RECQL4: variants seen among roughly 807,000 people sequenced by gnomAD.
RECQL4 encodes ATP-dependent DNA helicase Q4.
A neutral mutation model predicts 128.6 loss-of-function variants in RECQL4; 158 were observed. That is an observed-to-expected ratio of 1.23 (90% CI 1.08 to 1.40). The LOEUF (loss-of-function observed/expected upper bound fraction) is 1.40, where lower values mean the gene tolerates loss of function less well. Among genes scored for constraint, RECQL4 ranks in the 40% most tolerant of loss-of-function variants. The pLI is 0.00. For synonymous variants in RECQL4, 996 were observed against 678.9 expected (o/e 1.47, Z -7.26); for missense variants, 2,293 against 1,649.8 (o/e 1.39, Z -6.75).
chr8:144,515,256 T>C lies in RECQL4; in HGVS notation c.1391-14A>G. 6.2e-7 allele frequency: 1 copy of C among 1,604,172 alleles called. No individual in the cohort carries two copies. Among genetic ancestry groups the C allele is most frequent in the Non-Finnish European group, 8.5e-7 (1 of 1,175,970 alleles). ...CAGCCGGCGTCTCTGCAGACACAGA[T>C]GTTGATCACCATGACTTGAGTCACC... On this transcript the variant is annotated splice_polypyrimidine_tract_variant and intron_variant, in intron 7 of 20. Transcript: ENST00000617875.
At position 144,512,845 on chromosome 8, in the gene RECQL4, A is replaced by C. The variant is rs1586798208; in HGVS notation, c.2755+2T>G. ...CCCTGTGGCTTACCCCAGGTTCCTC[A>C]CCCTCCTCCGGCATGTCCAAAGCCT... On this transcript the variant is annotated splice_donor_variant, in intron 15 of 20. Transcript: ENST00000617875. LOFTEE classifies it high-confidence loss of function. 1 of 1,604,236 alleles carries C rather than the reference A, an allele frequency of 6.2e-7. No homozygotes were observed. The highest frequency in any genetic ancestry group is 8.5e-7 in the Non-Finnish European group (1 of 1,175,822).
rs753018522 is a variant in RECQL4, at chr8:144,516,493, C to G, written c.626G>C (p.Arg209Thr). ...PDFLGAPKAC[R>T]PDLGSEESQL... The stretch of plus-strand genomic sequence containing the variant: ...TGATTCCTCTGAGCCTAGATCAGGC[C>G]TGCAGGCTTTGGGGGCCCCCAGAAA... Residue 209 changes from arginine (R) to threonine (T), a missense_variant, in exon 5 of 21, where the codon AGG (arginine) becomes ACG (threonine). By Grantham distance (71) the Arg-to-Thr change is moderately conservative (BLOSUM62 -1). Coordinates refer to ENST00000617875, the MANE Select transcript of RECQL4 (RefSeq NM_004260.4). The G allele has an allele frequency of 6.2e-7, 1 of 1,609,118 alleles. No individual in the cohort carries two copies. Among genetic ancestry groups the G allele is most frequent in the South Asian group, 1.1e-5 (1 of 90,974 alleles).
rs774307791 is a variant in RECQL4, at chr8:144,512,167, G to A, written c.3213C>T (p.Arg1071=). 5.6e-6 allele frequency: 9 copies of A among 1,610,736 alleles called. No homozygotes were observed. Among genetic ancestry groups the A allele is most frequent in the African/African-American group, 1.3e-5 (1 of 74,914 alleles). The part of the protein sequence containing the change: ...ARERQALARL[R]RTFQAFHSVA... ...ACCTGTGAAAGGCCTGGAAGGTTCT[G>A]CGCAGACGGGCCAGGGCCTGGCGCT... The change falls in exon 18 of 21, where the codon CGC becomes CGT. Residue 1071 remains arginine, a synonymous_variant. Transcript: ENST00000617875.
At chr8:144,516,845 C>A (rs903133134) in intron 4 of RECQL4, 81 bp from the exon 5 acceptor site, 1 of 1,418,096 alleles carries the variant, frequency 7.1e-7, no homozygotes, top group Non-Finnish European at 9.5e-7. Flanking sequence ...TGAGTCCCCA[C>A]GCTCAATTGT....
chr8:144,512,715 G>A lies in RECQL4; in HGVS notation c.2812C>T (p.Leu938=), dbSNP rs2130666915. ...CGGCAATGGGTATAGGTGGTCGCCA[G>A]CAGCTCCAGCCAGTGGTGTGGGTGC... ...ELHPHHWLEL[L]ATTYTHCRLN... The change falls in exon 16 of 21, where the codon CTG becomes TTG. Residue 938 remains leucine (L), a synonymous_variant. Transcript: ENST00000617875. The A allele has an allele frequency of 1.9e-6, 3 of 1,612,204 alleles. No homozygotes were observed. The highest frequency in any genetic ancestry group is 2.5e-6 in the Non-Finnish European group (3 of 1,179,796).
chr8:144,512,889 G>T lies in RECQL4; in HGVS notation c.2713C>A (p.Pro905Thr), dbSNP rs778939539. 17 of 1,594,302 alleles carry T rather than the reference G, an allele frequency of 1.1e-5. No individual in the cohort carries two copies. The highest frequency in any genetic ancestry group is 3.5e-5 in the Admixed American group (2 of 57,324). Residue 905 changes from proline (P) to threonine (T), a missense_variant, in exon 15 of 21, where the codon CCA becomes ACA. Pro to Thr is a conservative substitution (Grantham distance 38, BLOSUM62 -1). Transcript: ENST00000617875. ...RVCMGHERAL[P>T]IQLTVQALDM... ...AAAGCCTGTACGGTAAGCTGTATTGGGAGTGCCCGCTCATGGCCCATGCAG... is the reference window on the plus strand; with the variant it reads ...AAAGCCTGTACGGTAAGCTGTATTGTGAGTGCCCGCTCATGGCCCATGCAG...
chr8:144,516,675 G>T lies in RECQL4; in HGVS notation c.444C>A (p.Val148=). The change falls in exon 5 of 21, where the codon GTC becomes GTA. Residue 148 remains valine (V), a synonymous_variant. Transcript: ENST00000617875. ...STPKPPGTGP[V]PSFAEKVSDE... is the part of the protein sequence containing the mutation. The stretch of plus-strand genomic sequence containing the variant: ...CACTGACTTTTTCTGCAAAGGAGGG[G>T]ACAGGCCCTGTACCTGGGGGCTTTG... 1 of 1,591,116 alleles carries T rather than the reference G, an allele frequency of 6.3e-7. No homozygotes were observed. The highest frequency in any genetic ancestry group is 8.6e-7 in the Non-Finnish European group (1 of 1,168,710).
rs1211753518 is a variant in RECQL4, at chr8:144,517,584, G to A, written c.118+18C>T. 1 of 1,478,376 alleles carries A rather than the reference G, an allele frequency of 6.8e-7. No homozygotes were observed. Among genetic ancestry groups the A allele is most frequent in the Non-Finnish European group, 8.9e-7 (1 of 1,123,254 alleles). The allele number at this position is 1,478,376 out of a possible 1,614,324, so 91.6% of individuals were successfully genotyped here. ...GACCCGGTGTCTTCTCGCCCCCGCC[G>A]CCCCGCCGCGCGCTCACCGCGGGTC... On this transcript the variant is annotated intron_variant, in intron 2 of 20. Transcript: ENST00000617875.
rs775478350 is a variant in RECQL4, at chr8:144,514,508, C to T, written c.1638G>A (p.Pro546=). 30 of 1,611,752 alleles carry T rather than the reference C, an allele frequency of 1.9e-5. No individual in the cohort carries two copies. The highest frequency in any genetic ancestry group is 3.3e-5 in the Admixed American group (2 of 59,922). The change falls in exon 10 of 21, where the codon CCG becomes CCA. Residue 546 remains proline (P), a synonymous_variant. Coordinates refer to ENST00000617875, the MANE Select transcript of RECQL4 (RefSeq NM_004260.4). ...AGTGTATGCAGGCCGCCTTGAGACA[C>T]GGTGGCAGGCCAGACACCTGCAAAT... is the stretch of plus-strand genomic sequence containing the variant. ...LMDDQVSGLP[P]CLKAACIHSG...
rs1554903266 is a variant in RECQL4, at chr8:144,516,498, G to A, written c.621C>T (p.Ala207=). 1 of 1,609,116 alleles carries A rather than the reference G, an allele frequency of 6.2e-7. No homozygotes were observed. Among genetic ancestry groups the A allele is most frequent in the Non-Finnish European group, 8.5e-7 (1 of 1,179,660 alleles). ...EVPDFLGAPK[A]CRPDLGSEES... is the part of the protein sequence containing the mutation. Reference sequence around the variant, plus strand: ...CCTCTGAGCCTAGATCAGGCCTGCAGGCTTTGGGGGCCCCCAGAAAATCTG... The same window carrying A: ...CCTCTGAGCCTAGATCAGGCCTGCAAGCTTTGGGGGCCCCCAGAAAATCTG... Residue 207 remains alanine, a synonymous_variant, in exon 5 of 21, where the codon GCC becomes GCT. Transcript: ENST00000617875.
At position 144,516,648 on chromosome 8, in the gene RECQL4, A is replaced by C; in HGVS notation, c.471T>G (p.Asp157Glu). 6.2e-7 allele frequency: 1 copy of C among 1,605,100 alleles called. No individual in the cohort carries two copies. Among genetic ancestry groups the C allele is most frequent in the Non-Finnish European group, 8.5e-7 (1 of 1,175,722 alleles). Reference protein sequence around the residue: ...PVPSFAEKVSDEPPQLPEPQP... With the variant: ...PVPSFAEKVSEEPPQLPEPQP... ...GGGGCTCAGGGAGCTGTGGAGGCTC[A>C]TCACTGACTTTTTCTGCAAAGGAGG... Residue 157 changes from aspartate (D) to glutamate (E), a missense_variant, in exon 5 of 21, where the codon GAT (aspartate) becomes GAG (glutamate). Transcript: ENST00000617875.
In RECQL4 at chr8:144,511,701, G is replaced by A. The variant is rs1827237447; in HGVS notation, c.3482C>T (p.Ala1161Val). The A allele has an allele frequency of 1.2e-6, 2 of 1,612,506 alleles. No individual in the cohort carries two copies. The highest frequency in any genetic ancestry group is 1.7e-6 in the Non-Finnish European group (2 of 1,179,772). Reference sequence around the variant, plus strand: ...CTCACCGATGCCGTGGAAGATGCGGGCCACAGCCCTGCTGGAGAACTTCTC... The same window carrying A: ...CTCACCGATGCCGTGGAAGATGCGGACCACAGCCCTGCTGGAGAACTTCTC... The part of the protein sequence containing the change: ...PEEKFSSRAV[A>V]RIFHGIGSPC... The change falls in exon 20 of 21, where the codon GCC (alanine) becomes GTC (valine). Residue 1161 changes from alanine (A) to valine (V), a missense_variant. Transcript: ENST00000617875.
rs1325079305 is a variant in RECQL4, at chr8:144,517,479, G to T, written c.148C>A (p.Arg50Ser). Reference protein sequence around the residue: ...ALYREYRTLKRTTGQAGGGLR... With the variant: ...ALYREYRTLKSTTGQAGGGLR... ...CCGCCGCCGGCCTGGCCCGTGGTAC[G>T]CTTCAGAGTGCGGTATTCCCGGTAG... is the stretch of plus-strand genomic sequence containing the variant. Residue 50 changes from arginine (R) to serine (S), a missense_variant, in exon 3 of 21, where the codon CGT becomes AGT. Arg to Ser is a moderately radical substitution (Grantham distance 110, BLOSUM62 -1). Transcript: ENST00000617875. 2 of 1,597,008 alleles carry T rather than the reference G, an allele frequency of 1.3e-6. No homozygotes were observed. The highest frequency in any genetic ancestry group is 8.5e-7 in the Non-Finnish European group (1 of 1,176,344).
At position 144,514,200 on chromosome 8, in the gene RECQL4, G is replaced by A. The variant is rs772515188; in HGVS notation, c.1867C>T (p.Arg623Cys). ...CACATATGGCTCACCTTGCAGACGC[G>A]CAGGTAGCAGGGCCGGAAGTTGTGG... is the stretch of plus-strand genomic sequence containing the variant. ...WSHNFRPCYL[R>C]VCKVLRERMG... is the part of the protein sequence containing the mutation. The change falls in exon 11 of 21, where the codon CGC (arginine) becomes TGC (cysteine). Residue 623 changes from arginine (R) to cysteine (C), a missense_variant. Physicochemically the swap from Arg to Cys is radical, Grantham distance 180 (BLOSUM62 -3). Coordinates refer to ENST00000617875, the MANE Select transcript of RECQL4 (RefSeq NM_004260.4). 1.7e-5 allele frequency: 28 copies of A among 1,612,048 alleles called. No homozygotes were observed. Among genetic ancestry groups the A allele is most frequent in the East Asian group, 8.9e-5 (4 of 44,850 alleles).
rs1434732916 is a variant in RECQL4, at chr8:144,516,109, G to A, written c.1010C>T (p.Ala337Val). ...QARAGKAEGT[A>V]PLHIFPRLAR... is the part of the protein sequence containing the mutation. The stretch of plus-strand genomic sequence containing the variant: ...CAGCCGAGGGAAGATGTGCAGGGGG[G>A]CTGTGCCCTCAGCCTTCCCAGCCCT... Residue 337 changes from alanine (A) to valine (V), a missense_variant, in exon 5 of 21, where the codon GCC (alanine) becomes GTC (valine). Physicochemically the swap from Ala to Val is moderately conservative, Grantham distance 64 (BLOSUM62 0). Coordinates refer to ENST00000617875, the MANE Select transcript of RECQL4 (RefSeq NM_004260.4). 5 of 1,612,930 alleles carry A rather than the reference G, an allele frequency of 3.1e-6. No individual in the cohort carries two copies. The East Asian group carries it at 6.7e-5, about 22-fold the overall frequency.
At position 144,511,305 on chromosome 8, in the gene RECQL4, T is replaced by C; in HGVS notation, c.*126A>G. On this transcript the variant is annotated 3_prime_UTR_variant, in exon 21 of 21. Coordinates refer to ENST00000617875, the MANE Select transcript of RECQL4 (RefSeq NM_004260.4). ...AGGGCCCATAAAAACAAAGTGAGCA[T>C]TTTTTATTCTGCATTTTGGAGCCTC... 2 of 1,544,538 alleles carry C rather than the reference T, an allele frequency of 1.3e-6. No individual in the cohort carries two copies. Among genetic ancestry groups the C allele is most frequent in the South Asian group, 1.2e-5 (1 of 82,042 alleles).
chr8:144,512,611 C>T (rs746619624), intron 16 of RECQL4, 31 bp downstream of exon 16: 2 of 1,611,800 alleles, frequency 1.2e-6, no homozygotes, highest in East Asian at 2.2e-5. Context: ...GATTCTCCAA[C>T]CTCGTCTCCA....
rs564678543 is a variant in RECQL4, at chr8:144,516,324, G to C, written c.795C>G (p.Asn265Lys). 16 of 1,609,572 alleles carry C rather than the reference G, an allele frequency of 9.9e-6. No individual in the cohort carries two copies. In the South Asian group the frequency reaches 1.4e-4, roughly 14 times the overall value. Residue 265 changes from asparagine (N) to lysine (K), a missense_variant, in exon 5 of 21, where the codon AAC (asparagine) becomes AAG (lysine). Coordinates refer to ENST00000617875, the MANE Select transcript of RECQL4 (RefSeq NM_004260.4). Reference protein sequence around the residue: ...SSSGGEKRRWNEEPWESPAQV... With the variant: ...SSSGGEKRRWKEEPWESPAQV... ...GTGCGGGGCTCTCCCAGGGCTCCTC[G>C]TTCCATCTCCGCTTCTCGCCTCCAC...
At position 144,511,511 on chromosome 8, in the gene RECQL4, A is replaced by G; in HGVS notation, c.3547T>C (p.Phe1183Leu). 1.2e-6 allele frequency: 2 copies of G among 1,612,562 alleles called. No homozygotes were observed. The highest frequency in any genetic ancestry group is 1.1e-5 in the South Asian group (1 of 91,086). The change falls in exon 21 of 21, where the codon TTC becomes CTC. Residue 1183 changes from phenylalanine to leucine, a missense_variant. Transcript: ENST00000617875. The stretch of plus-strand genomic sequence containing the variant: ...CTCAGGTGCAGGTATTTTCTCCAGA[A>G]GCGTCGGTCCTGCCCGTACACCTGG... ...PAQVYGQDRR[F>L]WRKYLHLSFH...
Sources: gnomAD v4.1 joint callset for allele counts on GRCh38, gnomAD v4.1.1 for gene constraint, MANE v1.5 for transcripts, NCBI Gene and HGNC (gene_info 2026-07-23, HGNC 2026-07-21) for gene names.